Variants in SBF2 observed in about 807,000 individuals in gnomAD.
SBF2 encodes the protein myotubularin-related protein 13.
In SBF2, 112 loss-of-function variants were observed where a neutral mutation model predicts 225.2. The ratio of observed to expected loss-of-function variants is 0.50; its 90% CI spans 0.43 to 0.58. The LOEUF is 0.58. Ranked by LOEUF, SBF2 falls within the 20% of genes least tolerant of loss-of-function variation. SBF2 has a pLI of 0.00. For missense variants in SBF2, 1,996 were observed against 2,206.2 expected, an observed-to-expected ratio of 0.90 and a Z score of 1.91; for synonymous variants, 763 against 773.3, an observed-to-expected ratio of 0.99 and a Z score of 0.22.
At chr11:10,034,199 C>T (rs773283235) in intron 3 of SBF2, among the ~76,000 whole-genome samples, 1 of 152,162 alleles carries the variant, frequency 6.6e-6, no homozygotes, top group South Asian at 2.1e-4. Context: ...TAATCACATG[C>T]CACAACTTGC....
chr11:10,031,766 A>G (rs1949268965), intron 3 of SBF2, among the ~76,000 whole-genome samples: 1 of 152,200 alleles, frequency 6.6e-6, no homozygotes, highest in African/African-American at 2.4e-5. Context: ...TTTTTGAAAC[A>G]AGGTCTTGCT....
intron 2 of SBF2, among the ~76,000 whole-genome samples, chr11:10,190,047 A>T (rs1401142559): frequency 3.3e-5 from 5 of 151,950 alleles, no homozygotes; most frequent in Admixed American, 6.6e-5. Context: ...GCTACTTGGG[A>T]GGCTGAGGCA....
intron 26 of SBF2, 134 bp from the exon 27 acceptor site, chr11:9,832,554 G>C: frequency 1.4e-6 from 1 of 698,886 alleles, no homozygotes; most frequent in African/African-American, 1.8e-5. Context: ...AATTTTCTAA[G>C]ATTCAGAAAC....
upstream of SBF2, among the ~76,000 whole-genome samples, chr11:10,297,323 G>T (rs554295369): frequency 7.8e-4 from 118 of 151,962 alleles, no homozygotes; most frequent in Non-Finnish European, 1.4e-3. Context: ...CCCTCCCAAG[G>T]TACTAGGATT....
chr11:10,108,198 T>C (rs1162977241), intron 2 of SBF2, among the ~76,000 whole-genome samples: 1 of 152,116 alleles, frequency 6.6e-6, no homozygotes, highest in Non-Finnish European at 1.5e-5. Flanking sequence ...AGATGTGGAA[T>C]TGAGAAAGGA....
chr11:10,173,820 A>G (rs374448970), intron 2 of SBF2, among the ~76,000 whole-genome samples: 22,952 of 139,536 alleles, frequency 0.16, 2,470 homozygotes, highest in African/African-American at 0.18. Context: ...ATCTGAGAAC[A>G]GGCAGACTGC....
Position 10,287,930 on chromosome 11 carries a change from A to G in SBF2, c.55+6085T>C, listed in dbSNP as rs7942892. On this transcript the variant is annotated intron_variant, in intron 1 of 39. Coordinates refer to ENST00000256190, the MANE Select transcript of SBF2 (RefSeq NM_030962.4). ...CAGTCTGGCCATTGCCCAGTCAGACATGTCAGCTGCTGCCACAGGGTGGGC... is the reference window on the plus strand; with the variant it reads ...CAGTCTGGCCATTGCCCAGTCAGACGTGTCAGCTGCTGCCACAGGGTGGGC... Among the ~76,000 whole-genome samples, 445 of 152,348 alleles carry G rather than the reference A, an allele frequency of 2.9e-3. 1 individual carries two copies. Among genetic ancestry groups the G allele is most frequent in the Middle Eastern group, 0.01 (3 of 294 alleles).
chr11:9,989,279 T>C (rs1738033866), intron 13 of SBF2, among the ~76,000 whole-genome samples: 3 of 151,930 alleles, frequency 2.0e-5, no homozygotes, highest in Admixed American at 2.0e-4. Flanking sequence ...ACAATAAATT[T>C]TGGGGACTTG....
chr11:9,982,253 A>G (rs1946989452), intron 13 of SBF2, among the ~76,000 whole-genome samples: 1 of 152,200 alleles, frequency 6.6e-6, no homozygotes, highest in Admixed American at 6.5e-5. Flanking sequence ...AGCAGAGGAC[A>G]CTGGTCGGTT....
intron 28 of SBF2, among the ~76,000 whole-genome samples, chr11:9,822,223 T>A (rs1246917433): frequency 6.6e-6 from 1 of 151,774 alleles, no homozygotes; most frequent in African/African-American, 2.4e-5. Flanking sequence ...CAGTAAGTAG[T>A]GGGACTATGG....
chr11:9,806,662 G>A (rs1277841528), intron 32 of SBF2, among the ~76,000 whole-genome samples: 2 of 152,136 alleles, frequency 1.3e-5, no homozygotes, highest in Non-Finnish European at 2.9e-5. Context: ...GTTACTGCTT[G>A]GACAGATCAA....
chr11:9,916,105 A>G (rs1266006237), intron 16 of SBF2, among the ~76,000 whole-genome samples: 1 of 152,118 alleles, frequency 6.6e-6, no homozygotes, highest in African/African-American at 2.4e-5. Flanking sequence ...AATTTTTAGC[A>G]TTTTAAATCT....
At chr11:9,930,865 C>T (rs1165043442) in intron 16 of SBF2, among the ~76,000 whole-genome samples, 1 of 152,218 alleles carries the variant, frequency 6.6e-6, no homozygotes, top group African/African-American at 2.4e-5. Context: ...CCATGACAGA[C>T]TGCACCTGGA....
chr11:9,825,696 G>A (rs1043642266), intron 28 of SBF2, among the ~76,000 whole-genome samples: 2 of 152,164 alleles, frequency 1.3e-5, no homozygotes, highest in African/African-American at 4.8e-5. Context: ...CCAAATTCTA[G>A]GAATGGAGTA....
chr11:10,178,567 T>G (rs1192032622), intron 2 of SBF2, among the ~76,000 whole-genome samples: 6 of 149,320 alleles, frequency 4.0e-5, no homozygotes, highest in African/African-American at 1.5e-4. Context: ...AGAAGACATT[T>G]ATGCAGCCAA....
Position 9,896,045 on chromosome 11 carries a change from A to G in SBF2, c.1861-34T>C, listed in dbSNP as rs1045800280. 10 of 1,534,626 alleles carry G rather than the reference A, an allele frequency of 6.5e-6. No individual in the cohort carries two copies. The African/African-American group carries it at 1.2e-4, about 19-fold the overall frequency. ...AAAACAAAGACAAAAGAGCATTAGG[A>G]TATTTACCAGAAATCACAAATACAT... On this transcript the variant is annotated intron_variant, in intron 16 of 39. Transcript: ENST00000256190.
At chr11:10,290,609 G>T (rs750399156) in intron 1 of SBF2, among the ~76,000 whole-genome samples, 2 of 152,036 alleles carry the variant, frequency 1.3e-5, no homozygotes, top group Admixed American at 1.3e-4. Flanking sequence ...TAGTGAAGAT[G>T]GGAGACTGAA....
At chr11:9,886,943 A>G (rs138610749) in intron 17 of SBF2, among the ~76,000 whole-genome samples, 2 of 152,248 alleles carry the variant, frequency 1.3e-5, no homozygotes, top group African/African-American at 4.8e-5. Context: ...GTGTGTATTT[A>G]AGGTTGGAGA....
chr11:10,234,584 T>C (rs1184767668), intron 1 of SBF2, among the ~76,000 whole-genome samples: 2 of 152,200 alleles, frequency 1.3e-5, no homozygotes. Flanking sequence ...ATAGTGTTCC[T>C]ATCAGATTTT....
Sources: gnomAD v4.1 joint callset for allele counts (sites outside exome capture counted in the v4.1 genomes callset) on GRCh38, gnomAD v4.1.1 for gene constraint, MANE v1.5 for transcripts, NCBI Gene and HGNC (gene_info 2026-07-23, HGNC 2026-07-21) for gene names.